Variants in ZNF518A observed in about 807,000 individuals in gnomAD.
ZNF518A encodes the protein zinc finger protein 518.
Under a neutral mutation model 102.7 loss-of-function variants are expected in ZNF518A, and 47 were observed. That is an observed-to-expected ratio of 0.46 (90% CI 0.36 to 0.58). The LOEUF (loss-of-function observed/expected upper bound fraction) is 0.58, where lower values mean the gene tolerates loss of function less well. ZNF518A is among the 20% of genes least tolerant of loss of function. ZNF518A has a pLI of 0.00. For missense variants in ZNF518A, 1,793 were observed against 1,699.8 expected (o/e 1.05, Z -0.96); for synonymous variants, 652 against 594.6 (o/e 1.10, Z -1.40).
intron 1 of ZNF518A, among the ~76,000 whole-genome samples, chr10:96,174,644 C>T (rs1371701656): frequency 2.6e-5 from 4 of 151,850 alleles, no homozygotes; most frequent in East Asian, 1.9e-4. Context: ...AAACCTATGA[C>T]GAGTAAGGTA....
chr10:96,202,240 A>AG (rs1256373289), intron 1 of ZNF518A, among the ~76,000 whole-genome samples: 2 of 152,132 alleles, frequency 1.3e-5, no homozygotes, highest in Non-Finnish European at 2.9e-5. Flanking sequence ...GGTTTTGAAC[A>AG]GGGGGGTAAC....
At chr10:96,197,040 T>C in intron 1 of ZNF518A, 2 of 1,612,934 alleles carry the variant, frequency 1.2e-6, no homozygotes, top group Non-Finnish European at 1.7e-6. Flanking sequence ...GGCCAGAGCT[T>C]TTCCGAATAA....
intron 1 of ZNF518A, among the ~76,000 whole-genome samples, chr10:96,174,374 C>G (rs1454513910): frequency 6.6e-6 from 1 of 151,882 alleles, no homozygotes; most frequent in Non-Finnish European, 1.5e-5. Flanking sequence ...TAAAGGAAAC[C>G]AAAATTTGGT....
chr10:96,175,674 C>G (rs1255182551), intron 1 of ZNF518A, among the ~76,000 whole-genome samples: 1 of 152,104 alleles, frequency 6.6e-6, no homozygotes, highest in Non-Finnish European at 1.5e-5. Flanking sequence ...AGTCAGCCAA[C>G]CCAATGGGTA....
chr10:96,160,121 G>A lies in ZNF518A; in HGVS notation c.3799G>A (p.Glu1267Lys). ...KTKTHGSKDS[E>K]TAFVSRNRNC... ...AAAAACTCATGGAAGTAAAGACTCT[G>A]AAACTGCCTTTGTATCTAGAAACAG... Residue 1267 changes from glutamate (E) to lysine (K), a missense_variant, in exon 6 of 6, where the codon GAA becomes AAA. By Grantham distance (56) the Glu-to-Lys change is moderately conservative. Coordinates refer to ENST00000316045, the MANE Select transcript of ZNF518A (RefSeq NM_001330736.2). 1 of 1,610,996 alleles carries A rather than the reference G, an allele frequency of 6.2e-7. No homozygotes were observed. Among genetic ancestry groups the A allele is most frequent in the Non-Finnish European group, 8.5e-7 (1 of 1,179,016 alleles).
At position 96,175,926 on chromosome 10, in the gene ZNF518A, CCTTCCTTCCTTT is replaced by C. The variant is rs1228437749; in HGVS notation, n.35+19883_35+19894del. 8.2e-4 allele frequency among the ~76,000 whole-genome samples: 87 copies of C among 105,756 alleles called. 3 individuals carry two copies. In the East Asian group the frequency reaches 0.016, roughly 20 times the overall value. 69.4% of individuals were successfully genotyped at this position (105,756 alleles called of 152,430 possible). On this transcript the variant is annotated intron_variant and non_coding_transcript_variant, in intron 1 of 2. Transcript: ENST00000442635. ...TCCTTCCTTCCTTCCTTCCTTCCTT[CCTTCCTTCCTTT>C]CTTTCCTCCTTCCTTTCTTTTGTTT...
At chr10:96,176,910 A>G (rs1416138091) in intron 1 of ZNF518A, among the ~76,000 whole-genome samples, 1 of 151,990 alleles carries the variant, frequency 6.6e-6, no homozygotes, top group Non-Finnish European at 1.5e-5. Flanking sequence ...ACAAACAAAC[A>G]AAAAGCAATA....
chr10:96,148,120 T>C (rs1554879137), intron 3 of ZNF518A, among the ~76,000 whole-genome samples: 3 of 152,208 alleles, frequency 2.0e-5, no homozygotes, highest in Non-Finnish European at 2.9e-5. Context: ...TTATTTCTTA[T>C]ATCCCTAGAA....
chr10:96,201,020 G>A, intron 1 of ZNF518A: 1 of 1,614,150 alleles, frequency 6.2e-7, no homozygotes, highest in Non-Finnish European at 8.5e-7. Context: ...AAGCTGGGTA[G>A]GGGCCCATCC....
At position 96,159,843 on chromosome 10, in the gene ZNF518A, T is replaced by A; in HGVS notation, c.3521T>A (p.Val1174Glu). ...GCATCCTCATTGCAAAAAGACAACG[T>A]ACCATCTAATCAGATTATAGGAGGA... The part of the protein sequence containing the change: ...NSASSLQKDN[V>E]PSNQIIGGEQ... The change falls in exon 6 of 6, where the codon GTA becomes GAA. Residue 1174 changes from valine to glutamate, a missense_variant. Val to Glu is a moderately radical substitution (Grantham distance 121). Around this residue, in one of 3 missense-constraint regions of ZNF518A, gnomAD observed 1,741 missense variants for 1,622.6 expected, o/e 1.07. Coordinates refer to ENST00000316045, the MANE Select transcript of ZNF518A (RefSeq NM_001330736.2). 6.2e-7 allele frequency: 1 copy of A among 1,613,630 alleles called. No individual in the cohort carries two copies. The highest frequency in any genetic ancestry group is 1.1e-5 in the South Asian group (1 of 91,072).
chr10:96,186,380 T>A (rs1201833295), intron 1 of ZNF518A, among the ~76,000 whole-genome samples: 2 of 152,102 alleles, frequency 1.3e-5, no homozygotes, highest in African/African-American at 4.8e-5. Flanking sequence ...TTTAATATGC[T>A]CATGGAACAA....
rs781944820 is a variant in ZNF518A at position 96,160,357 on chromosome 10, A to G, written c.4035A>G (p.Gln1345=). The G allele has an allele frequency of 2.2e-4, 351 of 1,613,588 alleles. No homozygotes were observed. Among genetic ancestry groups the G allele is most frequent in the Non-Finnish European group, 2.8e-4 (336 of 1,179,646 alleles). Residue 1345 remains glutamine (Q), a synonymous_variant, in exon 6 of 6, where the codon CAA becomes CAG. Transcript: ENST00000316045. ...TTGTGAAATGTCCTAGGAGAAACCA[A>G]CCAGTTGTAGTTTTGAATCATCCTG... ...KQLVKCPRRN[Q]PVVVLNHPDA... is the part of the protein sequence containing the mutation.
At chr10:96,130,155 G>A (rs1591071522), upstream of ZNF518A, 2 of 152,800 alleles carry the variant, frequency 1.3e-5, no homozygotes, top group East Asian at 1.9e-4. Context: ...GACCTTTTAG[G>A]ATGTCAGAAC....
At chr10:96,145,500 TTATAGCATGAATTTA>T (rs1484166147) in intron 3 of ZNF518A, among the ~76,000 whole-genome samples, 3 of 152,256 alleles carry the variant, frequency 2.0e-5, no homozygotes, top group African/African-American at 7.2e-5. Context: ...AACACTTCTC[TTATAGCATGAATTTA>T]TATAGCATGA....
chr10:96,142,503 A>G (rs1490062266), intron 3 of ZNF518A, among the ~76,000 whole-genome samples: 1 of 152,180 alleles, frequency 6.6e-6, no homozygotes, highest in Non-Finnish European at 1.5e-5. Flanking sequence ...TAAGGAATGC[A>G]GTAGTTTTTT....
downstream of ZNF518A, among the ~76,000 whole-genome samples, chr10:96,168,314 A>G (rs1363431542): frequency 6.6e-6 from 1 of 151,562 alleles, no homozygotes; most frequent in Non-Finnish European, 1.5e-5. Flanking sequence ...CCTTTATTTT[A>G]TTTTTTGCTC....
At chr10:96,187,597 C>T (rs911990666) in intron 1 of ZNF518A, among the ~76,000 whole-genome samples, 10 of 152,202 alleles carry the variant, frequency 6.6e-5, no homozygotes, top group African/African-American at 1.4e-4. Context: ...TGGACACAGG[C>T]GTAGCTTTTT....
intron 1 of ZNF518A, among the ~76,000 whole-genome samples, chr10:96,171,103 C>T (rs2083170776): frequency 6.6e-6 from 1 of 151,694 alleles, no homozygotes; most frequent in African/African-American, 2.4e-5. Context: ...CAAAATGGTA[C>T]AGCCATCTTG....
chr10:96,181,617 G>A (rs2083240733), intron 1 of ZNF518A, among the ~76,000 whole-genome samples: 4 of 152,090 alleles, frequency 2.6e-5, no homozygotes, highest in Non-Finnish European at 5.9e-5. Context: ...CCCATTTCTT[G>A]TTTTTGTCAG....
Sources: gnomAD v4.1 joint callset for allele counts (sites outside exome capture counted in the v4.1 genomes callset) on GRCh38, gnomAD v4.1.1 for gene constraint, gnomAD v4.1.1 regional missense constraint, MANE v1.5 for transcripts, NCBI Gene and HGNC (gene_info 2026-07-23, HGNC 2026-07-21) for gene names.